Variants in FREM2 observed in about 807,000 individuals in gnomAD.
FREM2 encodes FRAS1 related extracellular matrix 2.
Under a neutral mutation model 219.9 loss-of-function variants are expected in FREM2, and 119 were observed. The ratio of observed to expected loss-of-function variants is 0.54; its 90% confidence interval spans 0.47 to 0.63. The LOEUF is 0.63. FREM2 is among the 30% of genes least tolerant of loss of function. The pLI is 0.00. For missense variants in FREM2, 4,030 were observed against 3,993.6 expected (o/e 1.01, Z -0.25); for synonymous variants, 1,562 against 1,522.8 (o/e 1.03, Z -0.60).
At chr13:38,729,326 TTTTA>T (rs1309280127) in intron 2 of FREM2, among the ~76,000 whole-genome samples, 3 of 152,300 alleles carry the variant, frequency 2.0e-5, no homozygotes, top group African/African-American at 7.2e-5. Flanking sequence ...TGCTGAATGA[TTTTA>T]TTTATGAGAT....
chr13:38,772,874 T>C (rs1436438605), intron 4 of FREM2, among the ~76,000 whole-genome samples: 1 of 151,946 alleles, frequency 6.6e-6, no homozygotes, highest in Non-Finnish European at 1.5e-5. Flanking sequence ...TTTTTGTATT[T>C]TTAGTAGAGA....
At chr13:38,827,094 A>AT (rs1186185756) in intron 6 of FREM2, among the ~76,000 whole-genome samples, 9 of 152,016 alleles carry the variant, frequency 5.9e-5, no homozygotes, top group Non-Finnish European at 1.3e-4. Flanking sequence ...ACTCTTAACC[A>AT]TTTTCAGAAA....
intron 6 of FREM2, among the ~76,000 whole-genome samples, chr13:38,843,386 T>G (rs1389913835): frequency 6.6e-6 from 1 of 151,784 alleles, no homozygotes; most frequent in Non-Finnish European, 1.5e-5. Flanking sequence ...CCATAACTGA[T>G]CTACAAAGAT....
At chr13:38,866,462 C>T (rs1158171644) in intron 16 of FREM2, among the ~76,000 whole-genome samples, 1 of 151,838 alleles carries the variant, frequency 6.6e-6, no homozygotes, top group Non-Finnish European at 1.5e-5. Context: ...CACGCCACTG[C>T]ACTCCAGCCT....
intron 6 of FREM2, among the ~76,000 whole-genome samples, chr13:38,790,895 A>C (rs965774957): frequency 2.0e-5 from 3 of 152,204 alleles, no homozygotes; most frequent in African/African-American, 7.2e-5. Flanking sequence ...TTGAAGTCTT[A>C]TTTTAATTAA....
chr13:38,709,035 T>C (rs760571920), intron 2 of FREM2, among the ~76,000 whole-genome samples: 7 of 152,282 alleles, frequency 4.6e-5, no homozygotes, highest in Non-Finnish European at 8.8e-5. Flanking sequence ...GCTGGGATTA[T>C]AGGCATAAGC....
chr13:38,792,239 C>G (rs1033398508), intron 6 of FREM2, among the ~76,000 whole-genome samples: 1 of 152,166 alleles, frequency 6.6e-6, no homozygotes, highest in African/African-American at 2.4e-5. Context: ...ATCCCAGCTA[C>G]TCAGGAGGCT....
intron 2 of FREM2, among the ~76,000 whole-genome samples, chr13:38,740,675 G>T (rs1277628254): frequency 6.6e-6 from 1 of 152,074 alleles, no homozygotes; most frequent in Admixed American, 6.5e-5. Context: ...TTGGCCCTGT[G>T]GGCATCAATT....
At chr13:38,742,738 G>A (rs895926805) in intron 2 of FREM2, among the ~76,000 whole-genome samples, 2 of 152,092 alleles carry the variant, frequency 1.3e-5, no homozygotes, top group Non-Finnish European at 2.9e-5. Context: ...CTAATCATGA[G>A]CCTCAAACCT....
At chr13:38,879,222 T>C (rs1432680211) in intron 23 of FREM2, among the ~76,000 whole-genome samples, 22 of 152,248 alleles carry the variant, frequency 1.4e-4, no homozygotes. Context: ...ATAGCTCTTA[T>C]CACTTTTATT....
In FREM2 at chr13:38,859,314, G is replaced by T; in HGVS notation, c.7243G>T (p.Asp2415Tyr). Residue 2415 changes from aspartate (D) to tyrosine (Y), a missense_variant, in exon 14 of 24, where the codon GAT becomes TAT. Coordinates refer to ENST00000280481, the MANE Select transcript of FREM2 (RefSeq NM_207361.6). ...TACNPKYSDY[D>Y]KTGSICASEN... Reference sequence around the variant, plus strand: ...TTGCAACCCCAAATATTCAGACTACGATAAAACAGGCTCTATCTGTGCAAG... The same window carrying T: ...TTGCAACCCCAAATATTCAGACTACTATAAAACAGGCTCTATCTGTGCAAG... 6.2e-7 allele frequency: 1 copy of T among 1,614,138 alleles called. No individual in the cohort carries two copies. Among genetic ancestry groups the T allele is most frequent in the Non-Finnish European group, 8.5e-7 (1 of 1,180,016 alleles).
intron 2 of FREM2, among the ~76,000 whole-genome samples, chr13:38,706,783 G>A (rs769565929): frequency 4.2e-4 from 64 of 152,190 alleles, no homozygotes; most frequent in Middle Eastern, 3.4e-3. Flanking sequence ...CTTCCTACCT[G>A]ATAAGTATTA....
chr13:38,839,903 G>A (rs1196314027), intron 6 of FREM2, among the ~76,000 whole-genome samples: 1 of 152,128 alleles, frequency 6.6e-6, no homozygotes, highest in Non-Finnish European at 1.5e-5. Flanking sequence ...CCATGGGGGT[G>A]GGATCCACTG....
At chr13:38,740,432 T>A (rs1342265762) in intron 2 of FREM2, among the ~76,000 whole-genome samples, 2 of 152,190 alleles carry the variant, frequency 1.3e-5, no homozygotes, top group African/African-American at 2.4e-5. Context: ...GAGGTCTAGC[T>A]TCTGAAATGA....
rs1878648673 is a variant in FREM2 at position 38,884,103 on chromosome 13, G to A, written c.*3316G>A. The A allele has an allele frequency of 6.6e-6, 1 of 152,188 alleles. No individual in the cohort carries two copies. Among genetic ancestry groups the A allele is most frequent in the African/African-American group, 2.4e-5 (1 of 41,424 alleles). 9.4% of individuals were successfully genotyped at this position (152,188 alleles called of 1,614,324 possible). A position where few individuals can be genotyped will look rare whatever the true frequency, so the allele number is the denominator to read the frequency against. ...CCACCCTCTCAGAAGAATCCACAGT[G>A]TTTGAACAATTTGCATAAAGGTCAG... On this transcript the variant is annotated 3_prime_UTR_variant, in exon 24 of 24. Coordinates refer to ENST00000280481, the MANE Select transcript of FREM2 (RefSeq NM_207361.6).
At chr13:38,849,291 G>T (rs765704136) in intron 8 of FREM2, among the ~76,000 whole-genome samples, 13 of 152,280 alleles carry the variant, frequency 8.5e-5, no homozygotes, top group Middle Eastern at 3.4e-3. Flanking sequence ...GATGTCATCA[G>T]TATCTTGATT....
At chr13:38,825,485 C>A (rs1876246585) in intron 6 of FREM2, among the ~76,000 whole-genome samples, 1 of 151,928 alleles carries the variant, frequency 6.6e-6, no homozygotes, top group Non-Finnish European at 1.5e-5. Flanking sequence ...CATCTAAGAA[C>A]AAAACATGTG....
chr13:38,725,885 C>T (rs761551808), intron 2 of FREM2, among the ~76,000 whole-genome samples: 30 of 152,014 alleles, frequency 2.0e-4, no homozygotes, highest in Non-Finnish European at 3.5e-4. Flanking sequence ...GTCAAGATGG[C>T]GATGTCTGTG....
chr13:38,693,576 G>A (rs560523415), intron 1 of FREM2, among the ~76,000 whole-genome samples: 115 of 152,268 alleles, frequency 7.6e-4, no homozygotes, highest in Admixed American at 1.4e-3. Context: ...GTGGGATTTG[G>A]GTTGCTTTCA....
Sources: gnomAD v4.1 joint callset for allele counts (sites outside exome capture counted in the v4.1 genomes callset) on GRCh38, gnomAD v4.1.1 for gene constraint, MANE v1.5 for transcripts, NCBI Gene and HGNC (gene_info 2026-07-23, HGNC 2026-07-21) for gene names.